Variants in XRCC4 observed in about 807,000 individuals in gnomAD.
The protein encoded by XRCC4 is X-ray repair cross complementing 4.
In XRCC4, 28 loss-of-function variants were observed where a neutral mutation model predicts 39.1. The ratio of observed to expected loss-of-function variants is 0.72; its 90% CI spans 0.53 to 0.98. XRCC4 has a LOEUF of 0.98. Among genes scored for constraint, XRCC4 ranks in the 50% least tolerant of loss-of-function variants. The pLI is 0.00. For missense variants in XRCC4, 350 were observed against 376.4 expected, an observed-to-expected ratio of 0.93 and a Z score of 0.58; for synonymous variants, 123 against 126.4, an observed-to-expected ratio of 0.97 and a Z score of 0.18.
At chr5:83,230,960 CT>C (rs1752474263) in intron 6 of XRCC4, among the ~76,000 whole-genome samples, 1 of 151,646 alleles carries the variant, frequency 6.6e-6, no homozygotes, top group Non-Finnish European at 1.5e-5. Flanking sequence ...ATGCTGCCTG[CT>C]TGTTTAAAAC....
chr5:83,179,049 G>T (rs138318023), intron 3 of XRCC4, among the ~76,000 whole-genome samples: 2 of 152,290 alleles, frequency 1.3e-5, no homozygotes, highest in East Asian at 3.9e-4. Flanking sequence ...GACCTGCCAT[G>T]TACTACTACA....
At chr5:83,368,466 G>A in the XRCC4 span, among the ~76,000 whole-genome samples, 4 of 152,084 alleles carry the variant, frequency 2.6e-5, no homozygotes, top group Non-Finnish European at 4.4e-5. Context: ...GATGCCCAAG[G>A]CAACAAAACC....
chr5:83,143,013 C>T (rs1748258613), intron 3 of XRCC4, among the ~76,000 whole-genome samples: 1 of 152,096 alleles, frequency 6.6e-6, no homozygotes, highest in African/African-American at 2.4e-5. Context: ...TTCCTTTACA[C>T]TTGGTAACAC....
intron 6 of XRCC4, among the ~76,000 whole-genome samples, chr5:83,228,807 T>G (rs1752385882): frequency 6.6e-6 from 1 of 152,126 alleles, no homozygotes; most frequent in Admixed American, 6.6e-5. Context: ...CAACATTTTC[T>G]TCCATAAGGC....
chr5:83,275,061 G>A (rs1385454176), intron 7 of XRCC4, among the ~76,000 whole-genome samples: 1 of 152,110 alleles, frequency 6.6e-6, no homozygotes, highest in African/African-American at 2.4e-5. Flanking sequence ...CTTAGAGTAG[G>A]CTAATAGAGG....
intron 6 of XRCC4, among the ~76,000 whole-genome samples, chr5:83,211,100 A>T (rs1328948110): frequency 6.6e-6 from 1 of 152,224 alleles, no homozygotes; most frequent in African/African-American, 2.4e-5. Context: ...TAAGCAAATA[A>T]GTACTTCCAA....
At chr5:83,173,024 T>C (rs1039700038) in intron 3 of XRCC4, among the ~76,000 whole-genome samples, 2 of 152,188 alleles carry the variant, frequency 1.3e-5, no homozygotes, top group Admixed American at 6.5e-5. Context: ...TTTTCAGATA[T>C]TGTTCCAGGA....
At chr5:83,276,420 C>G (rs1344933867) in intron 7 of XRCC4, among the ~76,000 whole-genome samples, 2 of 129,776 alleles carry the variant, frequency 1.5e-5, no homozygotes, top group Admixed American at 9.1e-5. Context: ...AGGGCTTTAC[C>G]CTAATGAAGG....
intron 7 of XRCC4, among the ~76,000 whole-genome samples, chr5:83,331,584 AT>A (rs981095867): frequency 9.9e-5 from 15 of 152,266 alleles, no homozygotes; most frequent in Admixed American, 9.2e-4. Flanking sequence ...CAGTGCAAAC[AT>A]TTAAACTATA....
chr5:83,274,967 G>A (rs976426760), intron 7 of XRCC4, among the ~76,000 whole-genome samples: 3 of 152,172 alleles, frequency 2.0e-5, no homozygotes, highest in Non-Finnish European at 4.4e-5. Flanking sequence ...ATCACTGTGT[G>A]GAAAATGGAT....
At chr5:83,320,534 G>T (rs1312136469) in intron 7 of XRCC4, among the ~76,000 whole-genome samples, 2 of 151,970 alleles carry the variant, frequency 1.3e-5, no homozygotes, top group African/African-American at 4.8e-5. Flanking sequence ...TTTGAAAGAA[G>T]TTCTACTGAG....
chr5:83,358,103 T>C (rs1236062247), downstream of XRCC4, among the ~76,000 whole-genome samples: 1 of 151,708 alleles, frequency 6.6e-6, no homozygotes, highest in Non-Finnish European at 1.5e-5. Context: ...ATCTGACAGC[T>C]TCTAATAAAC....
intron 6 of XRCC4, among the ~76,000 whole-genome samples, chr5:83,211,620 C>T (rs1032645364): frequency 2.0e-5 from 3 of 152,086 alleles, no homozygotes; most frequent in East Asian, 1.9e-4. Flanking sequence ...TTCCTGCCAC[C>T]GCCCCTCCCC....
At chr5:83,096,983 G>GA (rs1470978701) in intron 1 of XRCC4, among the ~76,000 whole-genome samples, 1 of 152,182 alleles carries the variant, frequency 6.6e-6, no homozygotes, top group Non-Finnish European at 1.5e-5. Context: ...CCTTACAAGA[G>GA]AAAATAGAGC....
At chr5:83,225,047 C>T (rs1202129301) in intron 6 of XRCC4, among the ~76,000 whole-genome samples, 2 of 152,132 alleles carry the variant, frequency 1.3e-5, no homozygotes, top group Non-Finnish European at 2.9e-5. Context: ...GATTTATGCA[C>T]ACTTGATAAG....
At chr5:83,277,422 G>T (rs1235713117) in intron 7 of XRCC4, among the ~76,000 whole-genome samples, 1 of 152,214 alleles carries the variant, frequency 6.6e-6, no homozygotes. Context: ...CTGGAATAAG[G>T]AGATAGCACG....
At position 83,183,629 on chromosome 5, in the gene XRCC4, T is replaced by C. The variant is rs563410679; in HGVS notation, c.316-12141T>C. ...GTCCCTTGAAATAGTGTTTTTGCTG[T>C]TGATTTTTGTTTGTTTGTTTTGTTT... On this transcript the variant is annotated intron_variant, in intron 3 of 7. Transcript: ENST00000396027. 2.0e-5 allele frequency among the ~76,000 whole-genome samples: 3 copies of C among 152,276 alleles called. No homozygotes were observed. In the East Asian group the frequency reaches 5.8e-4, roughly 29 times the overall value.
At chr5:83,242,164 G>T (rs1752939652) in intron 6 of XRCC4, among the ~76,000 whole-genome samples, 1 of 57,814 alleles carries the variant, frequency 1.7e-5, no homozygotes, top group Non-Finnish European at 4.0e-5. Context: ...TATACACATT[G>T]TGTGTGTGTG....
At chr5:83,170,749 G>T (rs1749685221) in intron 3 of XRCC4, among the ~76,000 whole-genome samples, 1 of 151,814 alleles carries the variant, frequency 6.6e-6, no homozygotes, top group African/African-American at 2.4e-5. Context: ...ATTTAAGTCA[G>T]TTTTGCCATA....
Sources: gnomAD v4.1 joint callset for allele counts (sites outside exome capture counted in the v4.1 genomes callset) on GRCh38, gnomAD v4.1.1 for gene constraint, MANE v1.5 for transcripts, NCBI Gene and HGNC (gene_info 2026-07-23, HGNC 2026-07-21) for gene names.